Variants in DPYD observed in about 807,000 individuals in gnomAD.
DPYD encodes the protein dihydropyrimidine dehydrogenase.
Under a neutral mutation model 116.2 loss-of-function variants are expected in DPYD, and 109 were observed. The observed-to-expected ratio is 0.94, with a 90% CI of 0.80 to 1.10. DPYD has a LOEUF of 1.10. Ranked by LOEUF, DPYD falls within the 50% of genes least tolerant of loss-of-function variation. The pLI is 0.00. For synonymous variants in DPYD, 440 were observed against 432.0 expected, an observed-to-expected ratio of 1.02 and a Z score of -0.23; for missense variants, 1,302 against 1,254.5, an observed-to-expected ratio of 1.04 and a Z score of -0.57.
At chr1:97,429,277 GCTTT>G (rs1395290877) in intron 14 of DPYD, among the ~76,000 whole-genome samples, 3 of 151,904 alleles carry the variant, frequency 2.0e-5, no homozygotes, top group African/African-American at 7.2e-5. Flanking sequence ...ATATTGGTAT[GCTTT>G]CTAAGTTGTT....
intron 4 of DPYD, among the ~76,000 whole-genome samples, chr1:97,735,203 C>T (rs1663854295): frequency 6.6e-6 from 1 of 151,826 alleles, no homozygotes; most frequent in Non-Finnish European, 1.5e-5. Context: ...AGAATTTCCT[C>T]CAATAAGGCA....
intron 20 of DPYD, among the ~76,000 whole-genome samples, chr1:97,146,773 C>A (rs1319984184): frequency 6.6e-6 from 1 of 152,044 alleles, no homozygotes; most frequent in Non-Finnish European, 1.5e-5. Flanking sequence ...AAACCAAGTA[C>A]AATTACTCAA....
At chr1:97,851,684 C>T (rs993773208) in intron 2 of DPYD, among the ~76,000 whole-genome samples, 3 of 146,526 alleles carry the variant, frequency 2.0e-5, no homozygotes, top group African/African-American at 5.0e-5. Flanking sequence ...GAAATTTCTA[C>T]CTTGGCTAAT....
chr1:97,906,146 T>C (rs1241844649), intron 1 of DPYD, among the ~76,000 whole-genome samples: 3 of 152,164 alleles, frequency 2.0e-5, no homozygotes, highest in South Asian at 2.1e-4. Flanking sequence ...CCTTCACCTG[T>C]CCTTGGAAAA....
intron 18 of DPYD, among the ~76,000 whole-genome samples, chr1:97,254,690 T>C (rs1482677479): frequency 6.6e-6 from 1 of 152,160 alleles, no homozygotes; most frequent in Non-Finnish European, 1.5e-5. Flanking sequence ...GTATAAAACC[T>C]ATTATTTAAA....
chr1:97,600,137 C>A (rs576244804), intron 8 of DPYD, among the ~76,000 whole-genome samples: 3 of 152,080 alleles, frequency 2.0e-5, no homozygotes, highest in Admixed American at 6.5e-5. Flanking sequence ...CACACAGGTG[C>A]TTTTTCAATA....
At chr1:97,390,740 G>A (rs372433564) in intron 14 of DPYD, among the ~76,000 whole-genome samples, 84 of 151,896 alleles carry the variant, frequency 5.5e-4, no homozygotes, top group Non-Finnish European at 1.1e-3. Context: ...ATATACAAGA[G>A]TTTCTATAAA....
At chr1:97,894,439 C>T (rs572521150) in intron 1 of DPYD, among the ~76,000 whole-genome samples, 2 of 151,836 alleles carry the variant, frequency 1.3e-5, no homozygotes, top group Non-Finnish European at 2.9e-5. Context: ...TATGCAAATA[C>T]TATTAATATT....
chr1:97,356,683 A>G (rs1387901325), intron 16 of DPYD, among the ~76,000 whole-genome samples: 1 of 152,186 alleles, frequency 6.6e-6, no homozygotes, highest in Non-Finnish European at 1.5e-5. Flanking sequence ...AATCCACTTG[A>G]TAATATTTCT....
chr1:97,667,723 A>G (rs1659641064), intron 8 of DPYD, among the ~76,000 whole-genome samples: 1 of 152,154 alleles, frequency 6.6e-6, no homozygotes, highest in South Asian at 2.1e-4. Flanking sequence ...TGTGTGGCCA[A>G]AAGAGATGAA....
chr1:97,348,254 G>A (rs948794485), intron 16 of DPYD, among the ~76,000 whole-genome samples: 3 of 151,936 alleles, frequency 2.0e-5, no homozygotes, highest in African/African-American at 7.2e-5. Flanking sequence ...CTTTCCTTTT[G>A]TTTCATGTTC....
intron 8 of DPYD, among the ~76,000 whole-genome samples, chr1:97,642,884 TAATAA>T (rs1247242385): frequency 6.6e-6 from 1 of 150,762 alleles, no homozygotes; most frequent in Non-Finnish European, 1.5e-5. Flanking sequence ...AGTATAATAA[TAATAA>T]AATTAAATTA....
At chr1:97,665,979 T>A in intron 8 of DPYD, among the ~76,000 whole-genome samples, 1 of 152,092 alleles carries the variant, frequency 6.6e-6, no homozygotes, top group East Asian at 1.9e-4. Flanking sequence ...GTTAAAGAGG[T>A]TTTATAGAAG....
chr1:97,335,299 TACACACACACACACAC>T (rs35371362), intron 16 of DPYD, among the ~76,000 whole-genome samples: 2,070 of 136,308 alleles, frequency 0.015, 14 homozygotes, highest in Non-Finnish European at 0.024. Flanking sequence ...TGGAGTTAAG[TACACACACACACACAC>T]ACACACACAC....
At chr1:97,409,439 C>T (rs888983604) in intron 14 of DPYD, among the ~76,000 whole-genome samples, 1 of 151,978 alleles carries the variant, frequency 6.6e-6, no homozygotes, top group African/African-American at 2.4e-5. Flanking sequence ...ATTTGCTGGT[C>T]CTTTTTATCA....
intron 20 of DPYD, among the ~76,000 whole-genome samples, chr1:97,136,704 G>A (rs543236214): frequency 2.6e-5 from 4 of 152,210 alleles, no homozygotes; most frequent in Admixed American, 1.3e-4. Context: ...AATCACGAAC[G>A]AATAGTCTGA....
intron 1 of DPYD, 34 bp downstream of exon 1, chr1:97,920,850 C>T: frequency 1.3e-6 from 2 of 1,577,714 alleles, no homozygotes; most frequent in East Asian, 2.4e-5. Flanking sequence ...CCCACCACCC[C>T]GCCACCACCG....
At chr1:97,688,716 T>G (rs17369773) in intron 7 of DPYD, among the ~76,000 whole-genome samples, 124 of 152,044 alleles carry the variant, frequency 8.2e-4, no homozygotes, top group Non-Finnish European at 1.5e-3. Flanking sequence ...CTTGTAATGG[T>G]AACAACATTA....
chr1:97,523,682 A>G (rs577400885), intron 12 of DPYD, among the ~76,000 whole-genome samples: 2 of 152,186 alleles, frequency 1.3e-5, no homozygotes, highest in African/African-American at 4.8e-5. Flanking sequence ...TCATTAATGC[A>G]TCTTTGCATT....
Sources: allele counts gnomAD v4.1 joint callset (sites outside exome capture counted in the v4.1 genomes callset), GRCh38; gene constraint gnomAD v4.1.1; transcripts MANE v1.5; gene names NCBI Gene and HGNC (gene_info 2026-07-23, HGNC 2026-07-21).